The following SKAP2 variants were observed in gnomAD, a reference collection of about 807,000 sequenced individuals.
SKAP2 encodes the protein src kinase associated phosphoprotein 2.
In SKAP2, 28 loss-of-function variants were observed where a neutral mutation model predicts 54.9. The observed-to-expected ratio is 0.51, with a 90% confidence interval of 0.38 to 0.70. The LOEUF is 0.70. SKAP2 is among the 30% of genes least tolerant of loss of function. The pLI is 0.00. For synonymous variants in SKAP2, 137 were observed against 134.3 expected, an observed-to-expected ratio of 1.02 and a Z score of -0.14; for missense variants, 356 against 424.1, an observed-to-expected ratio of 0.84 and a Z score of 1.41.
chr7:26,807,364 T>C (rs1488350137), intron 4 of SKAP2, among the ~76,000 whole-genome samples: 1 of 152,144 alleles, frequency 6.6e-6, no homozygotes, highest in Admixed American at 6.5e-5. Context: ...GGGTTCCCCA[T>C]GTTGTTCTTG....
At chr7:26,745,544 A>C (rs1429994415) in intron 4 of SKAP2, among the ~76,000 whole-genome samples, 1 of 152,224 alleles carries the variant, frequency 6.6e-6, no homozygotes, top group Non-Finnish European at 1.5e-5. Context: ...GTAGTAAACT[A>C]CCAAAAATGC....
chr7:26,813,229 T>C (rs1397337401), intron 4 of SKAP2, among the ~76,000 whole-genome samples: 2 of 152,178 alleles, frequency 1.3e-5, no homozygotes, highest in African/African-American at 4.8e-5. Context: ...TTTTCTATCA[T>C]TGAACCTGCT....
At chr7:26,808,948 G>T (rs1784081924) in intron 4 of SKAP2, among the ~76,000 whole-genome samples, 1 of 152,094 alleles carries the variant, frequency 6.6e-6, no homozygotes, top group African/African-American at 2.4e-5. Flanking sequence ...TGGTAAATGG[G>T]GTTACATCAA....
At chr7:26,683,348 C>T (rs1786547929) in intron 11 of SKAP2, among the ~76,000 whole-genome samples, 1 of 152,160 alleles carries the variant, frequency 6.6e-6, no homozygotes, top group African/African-American at 2.4e-5. Flanking sequence ...CGTCCAAGAA[C>T]TTAAAACATC....
chr7:26,786,972 C>T (rs1045771063), intron 4 of SKAP2, among the ~76,000 whole-genome samples: 4 of 152,062 alleles, frequency 2.6e-5, no homozygotes, highest in African/African-American at 9.7e-5. Flanking sequence ...ATCATTTGAA[C>T]ACATTATATA....
In SKAP2 at chr7:26,727,037, T is replaced by A. The variant is rs74498041; in HGVS notation, c.470-31A>T. On this transcript the variant is annotated intron_variant, in intron 6 of 12. Coordinates refer to ENST00000345317, the MANE Select transcript of SKAP2 (RefSeq NM_003930.5). ...GAAGATAAAACCAGTTAGAATTTCA[T>A]TTACTAAGTATTAATGCTCAATTAT... 5,587 of 1,543,400 alleles carry A rather than the reference T, an allele frequency of 3.6e-3. 189 individuals carry two copies. The African/African-American group carries it at 0.07, about 19-fold the overall frequency.
intron 1 of SKAP2, among the ~76,000 whole-genome samples, chr7:26,856,893 T>C (rs534401802): frequency 6.6e-6 from 1 of 152,102 alleles, no homozygotes; most frequent in Admixed American, 6.6e-5. Context: ...ATCTATTTTC[T>C]ATCACTGGAA....
intron 4 of SKAP2, among the ~76,000 whole-genome samples, chr7:26,774,289 G>C (rs1356340854): frequency 6.6e-6 from 1 of 151,884 alleles, no homozygotes; most frequent in East Asian, 1.9e-4. Flanking sequence ...CTCCAGCCTG[G>C]GTGACAGAGT....
At chr7:26,715,045 A>G (rs901531916) in intron 9 of SKAP2, among the ~76,000 whole-genome samples, 5 of 152,232 alleles carry the variant, frequency 3.3e-5, no homozygotes, top group Admixed American at 2.0e-4. Flanking sequence ...TATCGTGTGA[A>G]TATCTGACCT....
At chr7:26,720,283 C>T (rs2127953876) in intron 9 of SKAP2, among the ~76,000 whole-genome samples, 1 of 152,230 alleles carries the variant, frequency 6.6e-6, no homozygotes, top group South Asian at 2.1e-4. Context: ...TTAAGCCATC[C>T]CTTGTAATGA....
intron 9 of SKAP2, among the ~76,000 whole-genome samples, chr7:26,694,444 G>T (rs1786853290): frequency 6.7e-6 from 1 of 149,166 alleles, no homozygotes; most frequent in Non-Finnish European, 1.5e-5. Context: ...CACATTGTTA[G>T]AAGAATCATC....
chr7:26,796,619 C>A (rs1025594366), intron 4 of SKAP2, among the ~76,000 whole-genome samples: 2 of 152,224 alleles, frequency 1.3e-5, no homozygotes, highest in African/African-American at 4.8e-5. Context: ...CCATTTCGGA[C>A]AGATAATCGA....
At chr7:26,771,447 A>G (rs1229038834) in intron 4 of SKAP2, among the ~76,000 whole-genome samples, 1 of 152,238 alleles carries the variant, frequency 6.6e-6, no homozygotes, top group Non-Finnish European at 1.5e-5. Context: ...TGATATTCAC[A>G]AAGTTATAGT....
chr7:26,799,545 C>G (rs1283776161), intron 4 of SKAP2, among the ~76,000 whole-genome samples: 2 of 152,112 alleles, frequency 1.3e-5, no homozygotes, highest in African/African-American at 4.8e-5. Context: ...AACACTAGAA[C>G]ACCCAGATAT....
chr7:26,707,163 C>T (rs541981441), intron 9 of SKAP2, among the ~76,000 whole-genome samples: 21 of 151,892 alleles, frequency 1.4e-4, no homozygotes, highest in Non-Finnish European at 3.1e-4. Flanking sequence ...AGTTTGAGAC[C>T]AGCCTGGGCA....
intron 4 of SKAP2, among the ~76,000 whole-genome samples, chr7:26,778,340 A>G (rs1280135791): frequency 6.6e-6 from 1 of 152,070 alleles, no homozygotes; most frequent in Non-Finnish European, 1.5e-5. Context: ...TCTCAATTTG[A>G]TGACTAAATG....
At chr7:26,768,734 T>C (rs757312827) in intron 4 of SKAP2, among the ~76,000 whole-genome samples, 3 of 152,204 alleles carry the variant, frequency 2.0e-5, no homozygotes, top group Non-Finnish European at 4.4e-5. Flanking sequence ...TGGCTAGATA[T>C]GAAATTCTGG....
intron 4 of SKAP2, among the ~76,000 whole-genome samples, chr7:26,787,936 AC>A (rs925489344): frequency 6.6e-6 from 1 of 151,952 alleles, no homozygotes; most frequent in African/African-American, 2.4e-5. Flanking sequence ...GCTCACTGCC[AC>A]CTCCACCTCC....
chr7:26,690,408 G>A, intron 9 of SKAP2, 46 bp from the exon 10 acceptor site: 1 of 1,225,216 alleles, frequency 8.2e-7, no homozygotes, highest in Non-Finnish European at 1.2e-6. Flanking sequence ...TTTTCTCAGG[G>A]ATAACACTAC....
Sources: allele counts gnomAD v4.1 joint callset (sites outside exome capture counted in the v4.1 genomes callset), GRCh38; gene constraint gnomAD v4.1.1; transcripts MANE v1.5; gene names NCBI Gene and HGNC (gene_info 2026-07-23, HGNC 2026-07-21).